The following PRLR variants were observed in gnomAD, a reference collection of about 807,000 sequenced individuals.
The protein encoded by PRLR is hPRL receptor.
Under a neutral mutation model 40.2 loss-of-function variants are expected in PRLR, and 13 were observed. The observed-to-expected ratio is 0.32, with a 90% CI of 0.21 to 0.51. PRLR has a LOEUF of 0.51. Ranked by LOEUF, PRLR falls within the 20% of genes least tolerant of loss-of-function variation. The pLI is 0.97. For missense variants in PRLR, 656 were observed against 747.3 expected, an observed-to-expected ratio of 0.88 and a Z score of 1.42; for synonymous variants, 269 against 278.7, an observed-to-expected ratio of 0.97 and a Z score of 0.35.
chr5:35,108,727 A>T (rs1772439677), intron 2 of PRLR, among the ~76,000 whole-genome samples: 1 of 152,246 alleles, frequency 6.6e-6, no homozygotes, highest in African/African-American at 2.4e-5. Flanking sequence ...GACATAAACA[A>T]ATGGAAGAAC....
chr5:35,120,482 T>G (rs1773251369), intron 1 of PRLR, among the ~76,000 whole-genome samples: 1 of 152,196 alleles, frequency 6.6e-6, no homozygotes, highest in Admixed American at 6.5e-5. Context: ...AGGTGTAAAA[T>G]TTTGTATATA....
chr5:35,135,951 A>T (rs1445851833), intron 1 of PRLR, among the ~76,000 whole-genome samples: 1 of 152,184 alleles, frequency 6.6e-6, no homozygotes, highest in Non-Finnish European at 1.5e-5. Context: ...GGATAATCAG[A>T]TTCCTTACCT....
At chr5:35,117,586 CAT>C (rs1252361760) in intron 2 of PRLR, among the ~76,000 whole-genome samples, 1 of 152,214 alleles carries the variant, frequency 6.6e-6, no homozygotes. Context: ...GCCTGTCACA[CAT>C]GAGTCCTGCC....
chr5:35,072,278 T>G (rs37364), intron 6 of PRLR, among the ~76,000 whole-genome samples: 51,111 of 152,052 alleles, frequency 0.34, 12,315 homozygotes, highest in African/African-American at 0.68. Flanking sequence ...CCTCCCACCT[T>G]GTGCCATTTA....
intron 1 of PRLR, among the ~76,000 whole-genome samples, chr5:35,135,062 T>C (rs900123499): frequency 6.6e-6 from 1 of 151,536 alleles, no homozygotes; most frequent in African/African-American, 2.4e-5. Flanking sequence ...TAAATAAAAA[T>C]GTAATTTAAT....
chr5:35,178,905 C>A (rs1203274093), intron 1 of PRLR, among the ~76,000 whole-genome samples: 1 of 152,144 alleles, frequency 6.6e-6, no homozygotes, highest in Admixed American at 6.5e-5. Context: ...GATAGGATTT[C>A]TTAAAGTGTT....
At chr5:35,210,068 G>C (rs534805854) in intron 1 of PRLR, among the ~76,000 whole-genome samples, 37 of 152,182 alleles carry the variant, frequency 2.4e-4, no homozygotes, top group African/African-American at 8.4e-4. Context: ...TACACACTGG[G>C]TTTCTTCATT....
chr5:35,204,287 A>T (rs1319305576), intron 1 of PRLR, among the ~76,000 whole-genome samples: 1 of 151,860 alleles, frequency 6.6e-6, no homozygotes, highest in Non-Finnish European at 1.5e-5. Flanking sequence ...ATGTAATGTT[A>T]TCTTACTCTT....
intron 1 of PRLR, among the ~76,000 whole-genome samples, chr5:35,219,270 TA>T (rs1261298578): frequency 2.0e-5 from 3 of 152,224 alleles, no homozygotes; most frequent in African/African-American, 4.8e-5. Flanking sequence ...ACATAGTTAC[TA>T]GGAACCCAGA....
intron 5 of PRLR, among the ~76,000 whole-genome samples, chr5:35,078,602 G>A (rs368964850): frequency 6.6e-6 from 1 of 152,116 alleles, no homozygotes; most frequent in Admixed American, 6.5e-5. Context: ...GGACCAGACG[G>A]ATTCACAGCC....
intron 2 of PRLR, among the ~76,000 whole-genome samples, chr5:35,099,431 C>A (rs372540927): frequency 6.6e-6 from 1 of 152,098 alleles, no homozygotes; most frequent in African/African-American, 2.4e-5. Flanking sequence ...AAAAGTAGAG[C>A]GCATACAATT....
chr5:35,065,541 C>A lies in PRLR; in HGVS notation c.1417G>T (p.Ala473Ser). The part of the protein sequence containing the change: ...QTIKSREEGK[A>S]TQQREVESFH... ...CTTTCTACCTCCCTCTGCTGGGTTG[C>A]CTTTCCCTCTTCTCTAGACTTAATG... is the stretch of plus-strand genomic sequence containing the variant. The change falls in exon 10 of 10, where the codon GCA (alanine) becomes TCA (serine). Residue 473 changes from alanine (A) to serine (S), a missense_variant. Around this residue, in one of 3 missense-constraint regions of PRLR, gnomAD observed 469 missense variants for 491.5 expected, o/e 0.95. Transcript: ENST00000618457. The A allele has an allele frequency of 6.2e-7, 1 of 1,614,096 alleles. No individual in the cohort carries two copies. Among genetic ancestry groups the A allele is most frequent in the Non-Finnish European group, 8.5e-7 (1 of 1,180,010 alleles).
chr5:35,072,788 C>T (rs200430244), intron 5 of PRLR, 44 bp from the exon 6 acceptor site: 1 of 1,592,160 alleles, frequency 6.3e-7, no homozygotes, highest in Non-Finnish European at 8.5e-7. Context: ...TTGCTTGCAC[C>T]TTTTCTTTGG....
intron 2 of PRLR, among the ~76,000 whole-genome samples, 177 bp downstream of exon 2, chr5:35,117,884 G>C (rs996778186): frequency 6.6e-6 from 1 of 152,198 alleles, no homozygotes; most frequent in Non-Finnish European, 1.5e-5. Flanking sequence ...TTCTGAGCTG[G>C]ACAGGCTGGG....
At chr5:35,116,773 C>A (rs1005294853) in intron 2 of PRLR, among the ~76,000 whole-genome samples, 1 of 152,132 alleles carries the variant, frequency 6.6e-6, no homozygotes, top group South Asian at 2.1e-4. Flanking sequence ...GTACCCAGAG[C>A]GTTTTGATGA....
At chr5:35,179,212 G>A (rs1388351693) in intron 1 of PRLR, among the ~76,000 whole-genome samples, 1 of 152,186 alleles carries the variant, frequency 6.6e-6, no homozygotes, top group African/African-American at 2.4e-5. Flanking sequence ...TGTGCCCACA[G>A]TGTCTAGCAC....
intron 1 of PRLR, among the ~76,000 whole-genome samples, chr5:35,154,174 A>C (rs906541828): frequency 1.3e-5 from 2 of 152,166 alleles, no homozygotes; most frequent in African/African-American, 4.8e-5. Context: ...AAACTCATAG[A>C]ATTATAGAAC....
chr5:35,116,878 T>G (rs2111701287), intron 2 of PRLR, among the ~76,000 whole-genome samples: 1 of 152,354 alleles, frequency 6.6e-6, no homozygotes, highest in Admixed American at 6.5e-5. Flanking sequence ...TCTGCTGGGC[T>G]GAGGCAACTT....
intron 1 of PRLR, among the ~76,000 whole-genome samples, chr5:35,173,036 A>G (rs370220076): frequency 4.6e-4 from 70 of 152,214 alleles, no homozygotes; most frequent in African/African-American, 1.6e-3. Context: ...ATTGTTCTTA[A>G]GATGGTCTCT....
Sources: allele counts gnomAD v4.1 joint callset (sites outside exome capture counted in the v4.1 genomes callset), GRCh38; gene constraint gnomAD v4.1.1; regional missense constraint gnomAD v4.1.1; transcripts MANE v1.5; gene names NCBI Gene and HGNC (gene_info 2026-07-23, HGNC 2026-07-21).